Variants in DNAH7 observed in about 807,000 individuals in gnomAD.
DNAH7 encodes the protein dynein axonemal heavy chain 7.
A neutral mutation model predicts 444.6 loss-of-function variants in DNAH7; 397 were observed. The observed-to-expected ratio is 0.89, with a 90% CI of 0.82 to 0.97. The LOEUF is 0.97. DNAH7 is among the 50% of genes least tolerant of loss of function. DNAH7 has a pLI of 0.00. For missense variants in DNAH7, 4,902 were observed against 4,800.8 expected (o/e 1.02, Z -0.62); for synonymous variants, 1,636 against 1,624.4 (o/e 1.01, Z -0.17).
intron 47 of DNAH7, among the ~76,000 whole-genome samples, chr2:195,835,868 A>G (rs368215425): frequency 8.5e-4 from 129 of 152,242 alleles, no homozygotes; most frequent in African/African-American, 3.1e-3. Flanking sequence ...AAAAACAAAC[A>G]AAAATGTAGC....
chr2:195,753,975 T>C (rs1280257542), intron 63 of DNAH7, among the ~76,000 whole-genome samples: 1 of 152,230 alleles, frequency 6.6e-6, no homozygotes, highest in Non-Finnish European at 1.5e-5. Context: ...CATAAGATTA[T>C]GGCTGATTAT....
At chr2:195,796,474 C>T in intron 56 of DNAH7, 102 bp downstream of exon 56, 1 of 1,349,822 alleles carries the variant, frequency 7.4e-7, no homozygotes, top group South Asian at 1.4e-5. Context: ...CACTAACCTG[C>T]AACGCTCCAA....
chr2:195,924,232 G>A (rs993780825), intron 22 of DNAH7, among the ~76,000 whole-genome samples: 1 of 152,156 alleles, frequency 6.6e-6, no homozygotes, highest in Non-Finnish European at 1.5e-5. Context: ...CCAACTTGAA[G>A]TAACTACAAG....
chr2:195,803,590 G>T (rs1455040892), intron 54 of DNAH7, among the ~76,000 whole-genome samples: 1 of 152,238 alleles, frequency 6.6e-6, no homozygotes, highest in African/African-American at 2.4e-5. Context: ...TTTGTAAAAT[G>T]AAATCTGTCA....
intron 17 of DNAH7, among the ~76,000 whole-genome samples, chr2:195,967,542 G>T (rs1691564762): frequency 6.6e-6 from 1 of 152,304 alleles, no homozygotes; most frequent in South Asian, 2.1e-4. Context: ...GTCTGGTGTT[G>T]ATGAAATCTC....
chr2:196,039,651 T>C (rs1696606876), intron 5 of DNAH7, among the ~76,000 whole-genome samples: 1 of 151,736 alleles, frequency 6.6e-6, no homozygotes, highest in Admixed American at 6.6e-5. Flanking sequence ...TAGAAAAAAT[T>C]AGCTGGGGGT....
At chr2:195,971,269 A>G (rs2125572482) in intron 16 of DNAH7, among the ~76,000 whole-genome samples, 1 of 152,328 alleles carries the variant, frequency 6.6e-6, no homozygotes, top group South Asian at 2.1e-4. Context: ...TTACTCTTCC[A>G]CCTGTAAAAT....
Position 195,891,636 on chromosome 2 carries a change from TGAAAGTGTTA to T in DNAH7, c.5046+9_5046+18del. 1 of 1,529,498 alleles carries T rather than the reference TGAAAGTGTTA, an allele frequency of 6.5e-7. No homozygotes were observed. The highest frequency in any genetic ancestry group is 8.8e-7 in the Non-Finnish European group (1 of 1,142,430). 94.7% of individuals were successfully genotyped at this position (1,529,498 alleles called of 1,614,324 possible). On this transcript the variant is annotated intron_variant, in intron 31 of 64. Transcript: ENST00000312428. ...ATCTTAACCTTTTAAGATATGCATG[TGAAAGTGTTA>T]GAACTTACCACTGAAGAGGCAAATG...
At chr2:195,925,693 T>G (rs950712299) in intron 22 of DNAH7, among the ~76,000 whole-genome samples, 1 of 152,196 alleles carries the variant, frequency 6.6e-6, no homozygotes, top group Non-Finnish European at 1.5e-5. Context: ...TTCAAACCCC[T>G]GTTCAACAAT....
rs774956594 is a variant in DNAH7, at chr2:195,960,728, T to C, written c.2423A>G (p.Tyr808Cys). Residue 808 changes from tyrosine (Y) to cysteine (C), a missense_variant, in exon 18 of 65, where the codon TAT (tyrosine) becomes TGT (cysteine). Transcript: ENST00000312428. ...ATCATGAAAGGTTTTCTCCAGTTTA[T>C]ATAATCCTCTCCAGTAATTTCCAAT... ...ADIGNYWRGLYKLEKTFHDSP... is the reference protein window; with the variant it reads ...ADIGNYWRGLCKLEKTFHDSP... 5 of 1,614,218 alleles carry C rather than the reference T, an allele frequency of 3.1e-6. No homozygotes were observed. The highest frequency in any genetic ancestry group is 2.2e-5 in the East Asian group (1 of 44,884).
intron 19 of DNAH7, among the ~76,000 whole-genome samples, chr2:195,943,955 G>A (rs1689633298): frequency 1.3e-5 from 2 of 152,162 alleles, no homozygotes; most frequent in Middle Eastern, 3.4e-3. Flanking sequence ...AAATATGCTC[G>A]CTTTTAGGTA....
chr2:195,885,464 C>T (rs10190600), intron 34 of DNAH7, among the ~76,000 whole-genome samples: 1,682 of 152,264 alleles, frequency 0.011, 35 homozygotes, highest in African/African-American at 0.038. Context: ...TACTTCAACC[C>T]TATTCACCTA....
intron 21 of DNAH7, 128 bp downstream of exon 21, chr2:195,934,463 T>C (rs1180769349): frequency 4.0e-6 from 4 of 1,011,602 alleles, no homozygotes; most frequent in African/African-American, 1.6e-5. Flanking sequence ...AAGTTATCTA[T>C]CACATTTGAA....
Position 196,026,904 on chromosome 2 carries a change from C to G in DNAH7, c.523G>C (p.Asp175His). The change falls in exon 7 of 65, where the codon GAC becomes CAC. Residue 175 changes from aspartate to histidine, a missense_variant. Asp to His is a moderately conservative substitution (Grantham distance 81, BLOSUM62 -1). Transcript: ENST00000312428. ...YYYIHHGIDT[D>H]HVAPMEDSWL... ...GAATCTTCCATTGGGGCTACATGGT[C>G]TGTATCAATTCCATGGTGAATATAA... The G allele has an allele frequency of 6.2e-7, 1 of 1,611,592 alleles. No homozygotes were observed. The highest frequency in any genetic ancestry group is 1.7e-5 in the Admixed American group (1 of 59,922).
chr2:195,749,831 G>T (rs1271466205), intron 63 of DNAH7, among the ~76,000 whole-genome samples: 1 of 144,006 alleles, frequency 6.9e-6, no homozygotes, highest in African/African-American at 2.6e-5. Flanking sequence ...GGGGACTGTT[G>T]TGGGGAAGGG....
intron 20 of DNAH7, among the ~76,000 whole-genome samples, chr2:195,935,232 G>A (rs934833314): frequency 1.3e-5 from 2 of 152,088 alleles, no homozygotes; most frequent in Non-Finnish European, 2.9e-5. Flanking sequence ...TAGTAACTTA[G>A]GTACTTTACA....
At chr2:195,907,366 A>G (rs984096644) in intron 25 of DNAH7, among the ~76,000 whole-genome samples, 2 of 152,122 alleles carry the variant, frequency 1.3e-5, no homozygotes, top group African/African-American at 4.8e-5. Context: ...AACCATCCAA[A>G]TAAGATGACT....
Position 195,864,809 on chromosome 2 carries a change from GT to G in DNAH7, c.6845del (p.Asn2282ThrfsTer13). On this transcript the variant is annotated frameshift_variant, in exon 41 of 65. Coordinates refer to ENST00000312428, the MANE Select transcript of DNAH7 (RefSeq NM_018897.3). LOFTEE classifies it high-confidence loss of function. ...TATCCACATCTGCGATTTCTCTGTA[GT>G]TGGTATCCTCCCTCTTGGGATCATG... Reference protein sequence around the residue: ...DFHDPKREDTNYREIADVDNL... With the variant: ...DFHDPKREDTXYREIADVDNL... The G allele has an allele frequency of 6.2e-7, 1 of 1,614,170 alleles. No individual in the cohort carries two copies. The highest frequency in any genetic ancestry group is 8.5e-7 in the Non-Finnish European group (1 of 1,180,024).
intron 12 of DNAH7, among the ~76,000 whole-genome samples, chr2:195,993,414 G>A (rs926485529): frequency 1.3e-5 from 2 of 151,928 alleles, no homozygotes; most frequent in Admixed American, 6.6e-5. Flanking sequence ...TACATAAATG[G>A]CAGCTAAAAA....
Sources: gnomAD v4.1 joint callset for allele counts (sites outside exome capture counted in the v4.1 genomes callset) on GRCh38, gnomAD v4.1.1 for gene constraint, MANE v1.5 for transcripts, NCBI Gene and HGNC (gene_info 2026-07-23, HGNC 2026-07-21) for gene names.